Variants in CCDC150 observed in about 807,000 individuals in gnomAD.
The protein encoded by CCDC150 is coiled-coil domain containing 150.
A neutral mutation model predicts 156.5 loss-of-function variants in CCDC150; 151 were observed. The ratio of observed to expected loss-of-function variants is 0.97; its 90% confidence interval spans 0.85 to 1.10. The LOEUF (loss-of-function observed/expected upper bound fraction) is 1.10, where lower values mean the gene tolerates loss of function less well. Ranked by LOEUF, CCDC150 falls within the 50% of genes least tolerant of loss-of-function variation. The pLI is 0.00. For synonymous variants in CCDC150, 452 were observed against 429.4 expected (o/e 1.05, Z -0.65); for missense variants, 1,312 against 1,268.1 (o/e 1.03, Z -0.53).
Position 196,676,176 on chromosome 2 carries a change from G to T in CCDC150, c.1171G>T (p.Glu391Ter), listed in dbSNP as rs1559233943. Reference protein sequence around the residue: ...EQKMMTQTFQEQNLLLDAAHA... With the variant: ...EQKMMTQTFQ The stretch of plus-strand genomic sequence containing the variant: ...GAAAATGATGACGCAGACATTTCAA[G>T]AACAAAACTTATTGCTGGATGCAGC... The change falls in exon 11 of 28, where the codon GAA becomes TAA. Residue 391 changes from glutamate (E) to a stop codon, truncating the protein, a stop_gained. Coordinates refer to ENST00000389175, the MANE Select transcript of CCDC150 (RefSeq NM_001080539.2). LOFTEE classifies it high-confidence loss of function. 9 of 1,613,512 alleles carry T rather than the reference G, an allele frequency of 5.6e-6. No individual in the cohort carries two copies. The highest frequency in any genetic ancestry group is 7.6e-6 in the Non-Finnish European group (9 of 1,179,664).
chr2:196,697,591 A>G (rs1695914873), intron 14 of CCDC150, among the ~76,000 whole-genome samples: 1 of 152,198 alleles, frequency 6.6e-6, no homozygotes, highest in Non-Finnish European at 1.5e-5. Flanking sequence ...TAAAACCAGG[A>G]TGACATTGTC....
In CCDC150 at chr2:196,676,695, G is replaced by T; in HGVS notation, c.1404G>T (p.Lys468Asn). 6.2e-7 allele frequency: 1 copy of T among 1,613,762 alleles called. No individual in the cohort carries two copies. The highest frequency in any genetic ancestry group is 1.7e-5 in the Admixed American group (1 of 60,006). Residue 468 changes from lysine (K) to asparagine (N), a missense_variant, in exon 12 of 28, where the codon AAG (lysine) becomes AAT (asparagine). Physicochemically the swap from Lys to Asn is moderately conservative, Grantham distance 94. Coordinates refer to ENST00000389175, the MANE Select transcript of CCDC150 (RefSeq NM_001080539.2). ...TGGAAGCATCAATGCAAGAGAAGAA[G>T]TCTCTGCTAGAGGAGAAAGAAAGAT... ...GELEASMQEK[K>N]SLLEEKERFQ...
intron 15 of CCDC150, among the ~76,000 whole-genome samples, chr2:196,705,326 G>A (rs929280331): frequency 6.6e-6 from 1 of 152,170 alleles, no homozygotes; most frequent in African/African-American, 2.4e-5. Context: ...ATTTTTTCAT[G>A]TGTCTGTTGG....
At chr2:196,645,879 G>A (rs967573493) in intron 1 of CCDC150, among the ~76,000 whole-genome samples, 1 of 152,204 alleles carries the variant, frequency 6.6e-6, no homozygotes, top group Non-Finnish European at 1.5e-5. Flanking sequence ...ATAATGTTAT[G>A]ATGAAAATGG....
At position 196,668,294 on chromosome 2, in the gene CCDC150, C is replaced by T. The variant is rs55771340; in HGVS notation, c.892+1446C>T. 4.2e-4 allele frequency among the ~76,000 whole-genome samples: 11 copies of T among 26,478 alleles called. No individual in the cohort carries two copies. The East Asian group carries it at 4.6e-3, about 11-fold the overall frequency. The allele number at this position is 26,478 out of a possible 152,430, so 17.4% of individuals were successfully genotyped here. ...CCTGGGCGACAGAGCAAAACTCCAT[C>T]TAAAAAAAAAAAAAAAAAAAAAAAA... On this transcript the variant is annotated intron_variant, in intron 7 of 27. Coordinates refer to ENST00000389175, the MANE Select transcript of CCDC150 (RefSeq NM_001080539.2).
intron 15 of CCDC150, among the ~76,000 whole-genome samples, chr2:196,708,224 CTCT>C (rs1696823443): frequency 6.6e-6 from 1 of 152,102 alleles, no homozygotes; most frequent in African/African-American, 2.4e-5. Flanking sequence ...GGATAGTTAC[CTCT>C]TCTTGTTGAA....
chr2:196,666,990 C>T, intron 7 of CCDC150, 142 bp downstream of exon 7: 1 of 802,714 alleles, frequency 1.2e-6, no homozygotes, highest in Non-Finnish European at 2.1e-6. Context: ...GCAGATTTCC[C>T]TTCTACCTGC....
intron 13 of CCDC150, among the ~76,000 whole-genome samples, chr2:196,679,824 G>A (rs978445845): frequency 3.9e-5 from 6 of 152,090 alleles, no homozygotes; most frequent in East Asian, 1.9e-4. Context: ...GTGTAGCAGC[G>A]TGTCACTGTG....
At position 196,676,693 on chromosome 2, in the gene CCDC150, A is replaced by C; in HGVS notation, c.1402A>C (p.Lys468Gln). 1 of 1,613,760 alleles carries C rather than the reference A, an allele frequency of 6.2e-7. No individual in the cohort carries two copies. The highest frequency in any genetic ancestry group is 8.5e-7 in the Non-Finnish European group (1 of 1,179,690). The change falls in exon 12 of 28, where the codon AAG becomes CAG. Residue 468 changes from lysine (K) to glutamine (Q), a missense_variant. Physicochemically the swap from Lys to Gln is moderately conservative, Grantham distance 53 (BLOSUM62 1). Coordinates refer to ENST00000389175, the MANE Select transcript of CCDC150 (RefSeq NM_001080539.2). Reference protein sequence around the residue: ...GELEASMQEKKSLLEEKERFQ... With the variant: ...GELEASMQEKQSLLEEKERFQ... The stretch of plus-strand genomic sequence containing the variant: ...ATTGGAAGCATCAATGCAAGAGAAG[A>C]AGTCTCTGCTAGAGGAGAAAGAAAG...
chr2:196,707,798 T>C (rs1224238126), intron 15 of CCDC150, among the ~76,000 whole-genome samples: 1 of 152,184 alleles, frequency 6.6e-6, no homozygotes, highest in Non-Finnish European at 1.5e-5. Context: ...ACCAGGTTGT[T>C]CAGTTTCCAT....
At chr2:196,709,596 T>G (rs1486298034) in intron 15 of CCDC150, among the ~76,000 whole-genome samples, 3 of 152,234 alleles carry the variant, frequency 2.0e-5, no homozygotes, top group African/African-American at 7.2e-5. Flanking sequence ...CTCTGGTTTT[T>G]AGAATTTTCA....
At position 196,730,042 on chromosome 2, in the gene CCDC150, C is replaced by T; in HGVS notation, c.2906C>T (p.Ser969Leu). 6.2e-7 allele frequency: 1 copy of T among 1,613,788 alleles called. No homozygotes were observed. Among genetic ancestry groups the T allele is most frequent in the Non-Finnish European group, 8.5e-7 (1 of 1,179,812 alleles). The change falls in exon 25 of 28, where the codon TCA becomes TTA. Residue 969 changes from serine to leucine, a missense_variant. Ser to Leu is a moderately radical substitution (Grantham distance 145). Coordinates refer to ENST00000389175, the MANE Select transcript of CCDC150 (RefSeq NM_001080539.2). ...QMLAKSQYDA[S>L]VRNKQQELHL... ...TTGGCTAAGAGCCAATATGATGCCT[C>T]AGTGCGGAATAAACAGCAAGAGCTG...
chr2:196,717,668 G>T (rs1241246658), intron 17 of CCDC150, among the ~76,000 whole-genome samples: 3 of 152,156 alleles, frequency 2.0e-5, no homozygotes, highest in Non-Finnish European at 4.4e-5. Context: ...GAGGTGAGCA[G>T]ATCACCTGAG....
At chr2:196,688,133 T>G (rs1054954419) in intron 13 of CCDC150, among the ~76,000 whole-genome samples, 1 of 152,218 alleles carries the variant, frequency 6.6e-6, no homozygotes, top group African/African-American at 2.4e-5. Flanking sequence ...TTTCGAGTTC[T>G]GTGAAGAATG....
At chr2:196,649,753 G>A (rs1692767767) in intron 2 of CCDC150, among the ~76,000 whole-genome samples, 3 of 151,920 alleles carry the variant, frequency 2.0e-5, no homozygotes, top group Non-Finnish European at 4.4e-5. Flanking sequence ...GTCCTTTTTT[G>A]GTGCTATTGT....
chr2:196,723,273 T>A (rs991050507), intron 21 of CCDC150, among the ~76,000 whole-genome samples: 16 of 152,146 alleles, frequency 1.1e-4, no homozygotes, highest in African/African-American at 3.9e-4. Context: ...GAGGCCAAGG[T>A]GGGCGGATCA....
chr2:196,681,757 A>G (rs58176101), intron 13 of CCDC150, among the ~76,000 whole-genome samples: 3,775 of 152,220 alleles, frequency 0.025, 136 homozygotes, highest in African/African-American at 0.085. Flanking sequence ...GGCCATTTAT[A>G]TATCTTCTTT....
At chr2:196,668,295 T>TAAAAAAAAAAAAAAAA (rs55945331) in intron 7 of CCDC150, among the ~76,000 whole-genome samples, 1 of 92,256 alleles carries the variant, frequency 1.1e-5, no homozygotes, top group South Asian at 4.1e-4. Flanking sequence ...AAACTCCATC[T>TAAAAAAAAAAAAAAAA]AAAAAAAAAA....
intron 15 of CCDC150, among the ~76,000 whole-genome samples, chr2:196,705,967 G>A (rs1274913648): frequency 6.6e-6 from 1 of 152,188 alleles, no homozygotes; most frequent in African/African-American, 2.4e-5. Context: ...TTATAGTATA[G>A]TTGGAAGTCA....
Sources: gnomAD v4.1 joint callset for allele counts (sites outside exome capture counted in the v4.1 genomes callset) on GRCh38, gnomAD v4.1.1 for gene constraint, MANE v1.5 for transcripts, NCBI Gene and HGNC (gene_info 2026-07-23, HGNC 2026-07-21) for gene names.